MGAT4C: variants seen among roughly 807,000 people sequenced by gnomAD.
The protein encoded by MGAT4C is alpha-1,3-mannosyl-glycoprotein 4-beta-N-acetylglucosaminyltransferase C.
MGAT4C carries 19 observed loss-of-function variants against 40.1 expected under a neutral mutation model. The observed-to-expected ratio is 0.47, with a 90% CI of 0.33 to 0.70. The LOEUF (loss-of-function observed/expected upper bound fraction) is 0.70. Among genes scored for constraint, MGAT4C ranks in the 30% least tolerant of loss-of-function variants. MGAT4C has a pLI of 0.02. For synonymous variants in MGAT4C, 181 were observed against 187.1 expected (o/e 0.97, Z 0.27); for missense variants, 491 against 563.2 (o/e 0.87, Z 1.30).
chr12:86,356,834 T>G (rs1302355559), intron 3 of MGAT4C, among the ~76,000 whole-genome samples: 1 of 152,136 alleles, frequency 6.6e-6, no homozygotes, highest in Non-Finnish European at 1.5e-5. Flanking sequence ...AAGCTCGAAC[T>G]GGGTGGAGCC....
intron 3 of MGAT4C, among the ~76,000 whole-genome samples, chr12:86,360,324 T>C (rs1955434071): frequency 6.6e-6 from 1 of 152,134 alleles, no homozygotes; most frequent in Non-Finnish European, 1.5e-5. Flanking sequence ...TAAGTATTCA[T>C]GGGGCGTACC....
chr12:86,655,776 A>G (rs1279432569), intron 2 of MGAT4C, among the ~76,000 whole-genome samples: 1 of 152,104 alleles, frequency 6.6e-6, no homozygotes, highest in Admixed American at 6.6e-5. Context: ...CTTCGTTTCA[A>G]ATCCTGTCTG....
intron 3 of MGAT4C, among the ~76,000 whole-genome samples, chr12:86,399,619 A>G (rs1251476321): frequency 6.6e-6 from 1 of 152,042 alleles, no homozygotes; most frequent in Admixed American, 6.6e-5. Context: ...CCTTGCTTCA[A>G]TCATGTCTAT....
chr12:86,294,458 C>G (rs1170680120), intron 4 of MGAT4C, among the ~76,000 whole-genome samples: 2 of 151,986 alleles, frequency 1.3e-5, no homozygotes, highest in Non-Finnish European at 2.9e-5. Flanking sequence ...CACCACATGC[C>G]TCTTCGATTG....
chr12:86,369,573 T>C (rs1052527574), intron 3 of MGAT4C, among the ~76,000 whole-genome samples: 1 of 152,004 alleles, frequency 6.6e-6, no homozygotes, highest in African/African-American at 2.4e-5. Context: ...TCTCAGCTAT[T>C]AACAACTTCA....
intron 2 of MGAT4C, among the ~76,000 whole-genome samples, chr12:86,007,866 G>A (rs1041229027): frequency 2.6e-5 from 4 of 151,940 alleles, no homozygotes; most frequent in Non-Finnish European, 4.4e-5. Flanking sequence ...TTTAGGGTAG[G>A]TATAATAACC....
chr12:86,745,104 G>A (rs1481055137), intron 1 of MGAT4C: 1 of 151,460 alleles, frequency 6.6e-6, no homozygotes, highest in African/African-American at 2.4e-5. Flanking sequence ...CTAGAGGGTA[G>A]TTAGAGCTAC....
At chr12:86,496,324 T>C (rs1482082816) in intron 2 of MGAT4C, among the ~76,000 whole-genome samples, 5 of 152,024 alleles carry the variant, frequency 3.3e-5, no homozygotes, top group Admixed American at 3.3e-4. Context: ...CTCTAACTAA[T>C]AGTTGTACCC....
intron 1 of MGAT4C, among the ~76,000 whole-genome samples, chr12:86,747,737 A>G (rs1407977448): frequency 6.6e-6 from 1 of 151,676 alleles, no homozygotes; most frequent in African/African-American, 2.4e-5. Flanking sequence ...AAAACTGCCA[A>G]TAGTCTTTTA....
chr12:85,981,011 T>C (rs1052864553), intron 4 of MGAT4C, among the ~76,000 whole-genome samples: 8 of 152,134 alleles, frequency 5.3e-5, no homozygotes, highest in African/African-American at 1.7e-4. Context: ...GAATTCGTAA[T>C]TGGACTTCAC....
chr12:86,795,944 TAGAA>T (rs1952107821), intron 1 of MGAT4C, among the ~76,000 whole-genome samples: 2 of 151,940 alleles, frequency 1.3e-5, no homozygotes, highest in Admixed American at 6.6e-5. Context: ...TATGGAAAAT[TAGAA>T]AGAGAGCAAC....
chr12:86,037,162 T>A (rs1277591808), intron 2 of MGAT4C, among the ~76,000 whole-genome samples: 3 of 150,166 alleles, frequency 2.0e-5, no homozygotes, highest in Non-Finnish European at 4.5e-5. Flanking sequence ...TTATTGCATC[T>A]ATTTGATTCT....
intron 1 of MGAT4C, among the ~76,000 whole-genome samples, chr12:86,807,485 A>G (rs1157111321): frequency 6.6e-6 from 1 of 152,084 alleles, no homozygotes; most frequent in Non-Finnish European, 1.5e-5. Flanking sequence ...ATAGTATTCC[A>G]TAGTGTATAT....
chr12:85,968,359 A>G lies in MGAT4C; in HGVS notation c.*10930T>C, dbSNP rs1486733058. 6.6e-6 allele frequency: 1 copy of G among 152,020 alleles called. No homozygotes were observed. Among genetic ancestry groups the G allele is most frequent in the Non-Finnish European group, 1.5e-5 (1 of 67,932 alleles). The allele number at this position is 152,020 out of a possible 1,614,324, so 9.4% of individuals were successfully genotyped here. A position where few individuals can be genotyped will look rare whatever the true frequency, so the allele number is the denominator to read the frequency against. On this transcript the variant is annotated 3_prime_UTR_variant, in exon 5 of 5. Coordinates refer to ENST00000611864, the MANE Select transcript of MGAT4C (RefSeq NM_001351288.2). Reference sequence around the variant, plus strand: ...TTTATGTGTTAAAAAGTGGATTTATAGTCTCTAATTAATAAGGTGCATATG... The same window carrying G: ...TTTATGTGTTAAAAAGTGGATTTATGGTCTCTAATTAATAAGGTGCATATG...
chr12:86,671,238 C>T (rs1360286243), intron 2 of MGAT4C, among the ~76,000 whole-genome samples: 1 of 152,182 alleles, frequency 6.6e-6, no homozygotes, highest in South Asian at 2.1e-4. Context: ...AGTTTTTATA[C>T]TCTATTTTCA....
At chr12:86,770,224 T>C (rs1311548900) in intron 1 of MGAT4C, among the ~76,000 whole-genome samples, 1 of 152,034 alleles carries the variant, frequency 6.6e-6, no homozygotes, top group Non-Finnish European at 1.5e-5. Context: ...CCATTTATGG[T>C]GGCAACAATA....
At chr12:86,133,619 T>C (rs1000406058) in intron 1 of MGAT4C, among the ~76,000 whole-genome samples, 1 of 152,198 alleles carries the variant, frequency 6.6e-6, no homozygotes, top group African/African-American at 2.4e-5. Context: ...CTTATTATAA[T>C]GCAGGTTATT....
chr12:86,671,035 T>C (rs1264795976), intron 2 of MGAT4C, among the ~76,000 whole-genome samples: 1 of 152,240 alleles, frequency 6.6e-6, no homozygotes, highest in African/African-American at 2.4e-5. Context: ...GGTATTTCCA[T>C]TTACAAAATA....
chr12:86,095,834 A>C (rs1233375719), intron 1 of MGAT4C, among the ~76,000 whole-genome samples: 7 of 151,922 alleles, frequency 4.6e-5, no homozygotes, highest in Non-Finnish European at 1.0e-4. Context: ...TCGTGTCAGA[A>C]TATACAATCA....
Sources: allele counts gnomAD v4.1 joint callset (sites outside exome capture counted in the v4.1 genomes callset), GRCh38; gene constraint gnomAD v4.1.1; transcripts MANE v1.5; gene names NCBI Gene and HGNC (gene_info 2026-07-23, HGNC 2026-07-21).